SLC38A6: variants seen among roughly 807,000 people sequenced by gnomAD.
SLC38A6 encodes the protein N system amino acid transporter NAT-1.
Under a neutral mutation model 65.0 loss-of-function variants are expected in SLC38A6, and 73 were observed. The observed-to-expected ratio is 1.12, with a 90% CI of 0.93 to 1.37. The LOEUF is 1.37. Among genes scored for constraint, SLC38A6 ranks in the 40% most tolerant of loss-of-function variants. The pLI, the probability that SLC38A6 is intolerant of heterozygous loss-of-function variation, is 0.00. For synonymous variants in SLC38A6, 183 were observed against 178.8 expected (o/e 1.02, Z -0.19); for missense variants, 561 against 531.1 (o/e 1.06, Z -0.55).
intron 3 of SLC38A6, among the ~76,000 whole-genome samples, chr14:60,992,645 T>C (rs2037983954): frequency 6.6e-6 from 1 of 152,140 alleles, no homozygotes; most frequent in South Asian, 2.1e-4. Context: ...AGGTGGGAAA[T>C]ATAATAATGT....
chr14:61,031,321 C>T (rs1174637811), intron 6 of SLC38A6, among the ~76,000 whole-genome samples: 1 of 152,092 alleles, frequency 6.6e-6, no homozygotes, highest in Non-Finnish European at 1.5e-5. Context: ...GATTTGAATA[C>T]TGGGTTGTTC....
chr14:60,986,103 A>G (rs900441790), intron 3 of SLC38A6, among the ~76,000 whole-genome samples: 1 of 152,204 alleles, frequency 6.6e-6, no homozygotes, highest in Admixed American at 6.5e-5. Flanking sequence ...GACAAACCAA[A>G]CTATATCAGT....
At chr14:61,083,462 T>C (rs2043736116) in intron 16 of SLC38A6, 2 of 1,471,176 alleles carry the variant, frequency 1.4e-6, no homozygotes, top group Non-Finnish European at 1.8e-6. Flanking sequence ...AGAATGCAAC[T>C]GTATTTGGAG....
chr14:61,006,531 T>C (rs1392653050), intron 3 of SLC38A6, among the ~76,000 whole-genome samples: 1 of 152,108 alleles, frequency 6.6e-6, no homozygotes, highest in Non-Finnish European at 1.5e-5. Context: ...AACAGATACT[T>C]CTCAAAAGAA....
At chr14:61,006,338 T>G (rs1398079176) in intron 3 of SLC38A6, among the ~76,000 whole-genome samples, 2 of 152,104 alleles carry the variant, frequency 1.3e-5, no homozygotes, top group Non-Finnish European at 2.9e-5. Flanking sequence ...GAGATCTAAT[T>G]AAACTAAAGA....
chr14:61,048,320 C>A (rs2042287039), intron 12 of SLC38A6: 1 of 340,980 alleles, frequency 2.9e-6, no homozygotes, highest in Non-Finnish European at 5.8e-6. Flanking sequence ...AATACTAATC[C>A]AGTGTTATTT....
Position 61,060,984 on chromosome 14 carries a change from G to T in SLC38A6, c.1290+8849G>T, listed in dbSNP as rs556112487. Among the ~76,000 whole-genome samples, 183 of 150,698 alleles carry T rather than the reference G, an allele frequency of 1.2e-3. 2 individuals are homozygous for T. The highest frequency in any genetic ancestry group is 4.4e-3 in the African/African-American group (178 of 40,506). On this transcript the variant is annotated intron_variant, in intron 15 of 16. Coordinates refer to the SLC38A6 transcript ENST00000354886. Reference sequence around the variant, plus strand: ...AATGCCTCGACCTGCTTCGGCTCGCGCACGGTGCGCGCACACACTGGCCTG... The same window carrying T: ...AATGCCTCGACCTGCTTCGGCTCGCTCACGGTGCGCGCACACACTGGCCTG...
chr14:61,075,020 A>G (rs141583816), intron 15 of SLC38A6, among the ~76,000 whole-genome samples: 2,630 of 152,296 alleles, frequency 0.017, 42 homozygotes, highest in Admixed American at 0.023. Context: ...ATGTGACCCT[A>G]TGAAAATGGT....
intron 15 of SLC38A6, among the ~76,000 whole-genome samples, chr14:61,074,713 T>TCCCTCCCTCCCTCCCTCCCTC (rs2043342795): frequency 7.6e-6 from 1 of 131,608 alleles, no homozygotes; most frequent in African/African-American, 3.1e-5. Flanking sequence ...CTCCCTCCCT[T>TCCCTCCCTCCCTCCCTCCCTC]CCTTCCTTCC....
chr14:61,040,682 A>T (rs1037983899), intron 8 of SLC38A6, among the ~76,000 whole-genome samples: 7 of 151,850 alleles, frequency 4.6e-5, no homozygotes, highest in Non-Finnish European at 8.8e-5. Flanking sequence ...GAGTCCCATT[A>T]TGTTGCCCAG....
At chr14:61,061,150 A>C (rs2042825653) in intron 15 of SLC38A6, among the ~76,000 whole-genome samples, 1 of 151,968 alleles carries the variant, frequency 6.6e-6, no homozygotes, top group South Asian at 2.1e-4. Flanking sequence ...TCCTCCCCCA[A>C]GTGTTGAATT....
At chr14:61,047,955 T>TTAGATAGATAGA (rs200441090) in intron 12 of SLC38A6, among the ~76,000 whole-genome samples, 1 of 149,788 alleles carries the variant, frequency 6.7e-6, no homozygotes, top group African/African-American at 2.5e-5. Context: ...AGATGATAGA[T>TTAGATAGATAGA]TAGATAGATA....
chr14:61,040,832 G>A (rs1210683077), intron 8 of SLC38A6, among the ~76,000 whole-genome samples: 1 of 152,174 alleles, frequency 6.6e-6, no homozygotes, highest in Non-Finnish European at 1.5e-5. Flanking sequence ...TGCTTCTACT[G>A]AACACTATGT....
chr14:61,055,260 C>G (rs1378582657), downstream of SLC38A6, among the ~76,000 whole-genome samples: 3 of 64,212 alleles, frequency 4.7e-5, no homozygotes, highest in Non-Finnish European at 6.3e-5. Context: ...AATGCTATCC[C>G]TCCCCCCTCC....
At chr14:61,060,977 G>A (rs1268727997) in intron 15 of SLC38A6, among the ~76,000 whole-genome samples, 7 of 150,554 alleles carry the variant, frequency 4.6e-5, no homozygotes, top group Middle Eastern at 3.2e-3. Context: ...GACCTGCTTC[G>A]GCTCGCGCAC....
intron 15 of SLC38A6, among the ~76,000 whole-genome samples, chr14:61,068,151 T>C (rs1055481083): frequency 3.9e-5 from 6 of 152,100 alleles, no homozygotes; most frequent in Admixed American, 3.9e-4. Context: ...AGAACATTTC[T>C]GCTTGGGGGC....
chr14:61,069,594 G>T (rs997909341), intron 15 of SLC38A6, among the ~76,000 whole-genome samples: 1 of 151,990 alleles, frequency 6.6e-6, no homozygotes, highest in Non-Finnish European at 1.5e-5. Flanking sequence ...CTATCCAAAT[G>T]CTTCTCATTC....
intron 3 of SLC38A6, among the ~76,000 whole-genome samples, chr14:61,001,143 G>A (rs1220559478): frequency 6.6e-6 from 1 of 152,144 alleles, no homozygotes; most frequent in Non-Finnish European, 1.5e-5. Flanking sequence ...ATGTCTGGAG[G>A]CATTTCTGAT....
At chr14:61,020,530 T>C (rs1351139205) in intron 5 of SLC38A6, among the ~76,000 whole-genome samples, 1 of 152,114 alleles carries the variant, frequency 6.6e-6, no homozygotes, top group Non-Finnish European at 1.5e-5. Flanking sequence ...TAAGGAAAAA[T>C]TGACATTCCA....
Sources: gnomAD v4.1 joint callset for allele counts (sites outside exome capture counted in the v4.1 genomes callset) on GRCh38, gnomAD v4.1.1 for gene constraint, MANE v1.5 for transcripts, NCBI Gene and HGNC (gene_info 2026-07-23, HGNC 2026-07-21) for gene names.